Variants in PHACTR1 observed in about 807,000 individuals in gnomAD.
PHACTR1 encodes phosphatase and actin regulator 1, also known as RPEL repeat containing 1.
A neutral mutation model predicts 69.2 loss-of-function variants in PHACTR1; 16 were observed. That is an observed-to-expected ratio of 0.23 (90% CI 0.16 to 0.35). PHACTR1 has a LOEUF of 0.35. Ranked by LOEUF, PHACTR1 falls within the 10% of genes least tolerant of loss-of-function variation. PHACTR1 has a pLI of 1.00. For missense variants in PHACTR1, 510 were observed against 734.7 expected (o/e 0.69, Z 3.54); for synonymous variants, 312 against 284.5 (o/e 1.10, Z -0.97).
intron 4 of PHACTR1, among the ~76,000 whole-genome samples, chr6:12,845,425 A>AACCCC (rs1561938718): frequency 6.8e-5 from 1 of 14,810 alleles, no homozygotes; most frequent in Non-Finnish European, 1.2e-4. Flanking sequence ...TGTGAACACC[A>AACCCC]CCCACCCCCC....
intron 3 of PHACTR1, among the ~76,000 whole-genome samples, chr6:12,746,701 A>G (rs1400022733): frequency 6.6e-6 from 1 of 152,250 alleles, no homozygotes; most frequent in Non-Finnish European, 1.5e-5. Context: ...AGTGGTAGCA[A>G]TATTAAGTTC....
At chr6:13,008,986 A>T (rs929857394) in intron 4 of PHACTR1, among the ~76,000 whole-genome samples, 1 of 152,138 alleles carries the variant, frequency 6.6e-6, no homozygotes, top group Non-Finnish European at 1.5e-5. Flanking sequence ...ATCCCTCCAG[A>T]GGCTCTTGGG....
intron 4 of PHACTR1, among the ~76,000 whole-genome samples, chr6:12,846,796 T>A (rs947828970): frequency 2.6e-5 from 4 of 151,806 alleles, no homozygotes; most frequent in African/African-American, 9.7e-5. Flanking sequence ...CTTAGCAACT[T>A]GCTTTTTATT....
At chr6:12,907,717 T>C (rs1354190189) in intron 4 of PHACTR1, among the ~76,000 whole-genome samples, 1 of 149,928 alleles carries the variant, frequency 6.7e-6, no homozygotes, top group Non-Finnish European at 1.5e-5. Context: ...TTGGAGTTTG[T>C]GAGGGCCTCT....
intron 4 of PHACTR1, among the ~76,000 whole-genome samples, chr6:12,901,534 G>A (rs1033085322): frequency 3.3e-5 from 5 of 152,126 alleles, no homozygotes; most frequent in Non-Finnish European, 7.4e-5. Context: ...CTGCTCTGTC[G>A]CCCAGGCTGG....
At chr6:13,066,430 G>A (rs1191879313) in intron 5 of PHACTR1, among the ~76,000 whole-genome samples, 2 of 152,146 alleles carry the variant, frequency 1.3e-5, no homozygotes, top group Non-Finnish European at 1.5e-5. Flanking sequence ...GAAGGTCCCC[G>A]AGTTTGAAGA....
At chr6:13,146,258 G>A (rs771786155) in intron 5 of PHACTR1, among the ~76,000 whole-genome samples, 2 of 152,218 alleles carry the variant, frequency 1.3e-5, no homozygotes, top group Non-Finnish European at 2.9e-5. Context: ...TTACCATGGT[G>A]ATAATGGGGA....
At chr6:13,104,444 G>A (rs1815755496) in intron 5 of PHACTR1, among the ~76,000 whole-genome samples, 1 of 152,012 alleles carries the variant, frequency 6.6e-6, no homozygotes, top group African/African-American at 2.4e-5. Flanking sequence ...AATATGACAG[G>A]GACCTTGCCA....
At chr6:13,185,754 G>A (rs1449303534) in intron 7 of PHACTR1, among the ~76,000 whole-genome samples, 1 of 152,188 alleles carries the variant, frequency 6.6e-6, no homozygotes, top group Non-Finnish European at 1.5e-5. Context: ...AGTTTCACCT[G>A]ATGCTGATCG....
At chr6:13,014,937 C>T (rs367665708) in intron 4 of PHACTR1, among the ~76,000 whole-genome samples, 1 of 152,226 alleles carries the variant, frequency 6.6e-6, no homozygotes, top group Non-Finnish European at 1.5e-5. Context: ...TGTGCATTTG[C>T]GCGACCCTCC....
At chr6:13,249,734 G>A (rs1774099176) in intron 10 of PHACTR1, among the ~76,000 whole-genome samples, 1 of 150,806 alleles carries the variant, frequency 6.6e-6, no homozygotes, top group African/African-American at 2.4e-5. Flanking sequence ...GGGAGGCGGA[G>A]GTTGCAGTGA....
intron 3 of PHACTR1, among the ~76,000 whole-genome samples, chr6:12,720,568 G>T (rs1383160158): frequency 7.9e-5 from 12 of 152,222 alleles, no homozygotes; most frequent in Admixed American, 7.8e-4. Flanking sequence ...ACTAGAAAAT[G>T]CATGGGAGGT....
intron 4 of PHACTR1, among the ~76,000 whole-genome samples, chr6:12,772,452 A>T (rs994807569): frequency 6.6e-6 from 1 of 152,268 alleles, no homozygotes; most frequent in Non-Finnish European, 1.5e-5. Context: ...TCTATTAAAA[A>T]TATTGAGATT....
At chr6:13,128,727 T>C (rs1819942860) in intron 5 of PHACTR1, among the ~76,000 whole-genome samples, 1 of 152,138 alleles carries the variant, frequency 6.6e-6, no homozygotes, top group Non-Finnish European at 1.5e-5. Flanking sequence ...GAAAACTTAT[T>C]TGAGGGAATA....
At chr6:12,929,694 C>T (rs1362854118) in intron 4 of PHACTR1, among the ~76,000 whole-genome samples, 1 of 152,198 alleles carries the variant, frequency 6.6e-6, no homozygotes, top group Non-Finnish European at 1.5e-5. Flanking sequence ...TATTCACAGC[C>T]AAAGCCTGGA....
chr6:13,190,198 A>ATTTTTTTTTTGTTTTTTTTTTTT (rs1763360101), intron 7 of PHACTR1, among the ~76,000 whole-genome samples: 1 of 87,266 alleles, frequency 1.1e-5, no homozygotes, highest in Non-Finnish European at 2.1e-5. Flanking sequence ...TAATTTTTGT[A>ATTTTTTTTTTGTTTTTTTTTTTT]TTTTTTTTTT....
intron 4 of PHACTR1, among the ~76,000 whole-genome samples, chr6:12,877,475 T>A (rs1307828302): frequency 6.6e-6 from 1 of 152,086 alleles, no homozygotes; most frequent in East Asian, 1.9e-4. Context: ...CCAGCCCTAA[T>A]CAATTGAGAA....
intron 4 of PHACTR1, among the ~76,000 whole-genome samples, chr6:12,843,983 C>T (rs560612868): frequency 4.7e-4 from 72 of 152,288 alleles, no homozygotes; most frequent in African/African-American, 1.7e-3. Flanking sequence ...TCACTTGCTA[C>T]GTGACCTTGA....
intron 8 of PHACTR1, among the ~76,000 whole-genome samples, chr6:13,221,506 T>C (rs1269933008): frequency 6.6e-6 from 1 of 152,100 alleles, no homozygotes; most frequent in African/African-American, 2.4e-5. Context: ...ACATAGGCAG[T>C]GGTATAGTGA....
Sources: gnomAD v4.1 joint callset for allele counts (sites outside exome capture counted in the v4.1 genomes callset) on GRCh38, gnomAD v4.1.1 for gene constraint, MANE v1.5 for transcripts, NCBI Gene and HGNC (gene_info 2026-07-23, HGNC 2026-07-21) for gene names.